RALGAPB: variants seen among roughly 807,000 people sequenced by gnomAD.
RALGAPB encodes Ral GTPase activating protein non-catalytic subunit beta.
In RALGAPB, 25 loss-of-function variants were observed where a neutral mutation model predicts 161.1. That is an observed-to-expected ratio of 0.16 (90% CI 0.11 to 0.22). The LOEUF (loss-of-function observed/expected upper bound fraction) is 0.22. Among genes scored for constraint, RALGAPB ranks in the 10% least tolerant of loss-of-function variants. The pLI is 1.00. For synonymous variants in RALGAPB, 629 were observed against 626.1 expected (o/e 1.00, Z -0.07); for missense variants, 1,391 against 1,815.2 (o/e 0.77, Z 4.25).
chr20:38,483,978 CAG>C (rs1356880129), intron 1 of RALGAPB, among the ~76,000 whole-genome samples: 1 of 152,032 alleles, frequency 6.6e-6, no homozygotes, highest in African/African-American at 2.4e-5. Flanking sequence ...ATCACAAGGT[CAG>C]GAGTTCGAGA....
At chr20:38,559,710 A>G (rs1443245371) in intron 23 of RALGAPB, among the ~76,000 whole-genome samples, 3 of 152,234 alleles carry the variant, frequency 2.0e-5, no homozygotes, top group East Asian at 3.8e-4. Flanking sequence ...AAAACAAAAC[A>G]GAAGGACTAA....
chr20:38,532,027 A>T (rs1421964961), intron 14 of RALGAPB, among the ~76,000 whole-genome samples: 1 of 151,936 alleles, frequency 6.6e-6, no homozygotes, highest in East Asian at 1.9e-4. Flanking sequence ...CCGTTTGTTT[A>T]TTCATGCCTT....
At chr20:38,563,302 C>T (rs574202983) in intron 24 of RALGAPB, among the ~76,000 whole-genome samples, 24 of 152,214 alleles carry the variant, frequency 1.6e-4, no homozygotes, top group African/African-American at 5.3e-4. Flanking sequence ...ATAGGTCATC[C>T]ATACAAACAA....
chr20:38,515,225 C>G (rs2086089318), intron 6 of RALGAPB, among the ~76,000 whole-genome samples: 1 of 152,162 alleles, frequency 6.6e-6, no homozygotes, highest in Admixed American at 6.5e-5. Flanking sequence ...CACTGGAAGC[C>G]CATTTTTCTT....
At chr20:38,473,300 G>A (rs970011354) in intron 1 of RALGAPB, among the ~76,000 whole-genome samples, 2 of 152,146 alleles carry the variant, frequency 1.3e-5, no homozygotes, top group African/African-American at 2.4e-5. Flanking sequence ...CTAATCCTTG[G>A]GAGCTACCCC....
chr20:38,478,415 C>T (rs1332206491), intron 1 of RALGAPB, among the ~76,000 whole-genome samples: 1 of 151,944 alleles, frequency 6.6e-6, no homozygotes, highest in Non-Finnish European at 1.5e-5. Context: ...CAAGCAAGAC[C>T]TCAAGTAGTT....
At chr20:38,474,465 G>C (rs1227306123) in intron 1 of RALGAPB, among the ~76,000 whole-genome samples, 1 of 151,982 alleles carries the variant, frequency 6.6e-6, no homozygotes, top group Non-Finnish European at 1.5e-5. Context: ...TTTTTGTAGA[G>C]ATGGGGTTTC....
intron 23 of RALGAPB, among the ~76,000 whole-genome samples, chr20:38,560,047 A>G (rs1230187113): frequency 6.6e-6 from 1 of 152,218 alleles, no homozygotes; most frequent in Non-Finnish European, 1.5e-5. Context: ...TGTTTACACT[A>G]GAAGCACTGT....
At position 38,531,246 on chromosome 20, in the gene RALGAPB, T is replaced by G. The variant is rs1360258303; in HGVS notation, c.2115+15T>G. Reference sequence around the variant, plus strand: ...AGATGGAGATGGTAAGAAGCATACATGCAATCTGTCAGAGAATATCACTTT... The same window carrying G: ...AGATGGAGATGGTAAGAAGCATACAGGCAATCTGTCAGAGAATATCACTTT... On this transcript the variant is annotated intron_variant, in intron 14 of 29. Coordinates refer to ENST00000262879, the MANE Select transcript of RALGAPB (RefSeq NM_020336.4). 2 of 1,570,542 alleles carry G rather than the reference T, an allele frequency of 1.3e-6. No individual in the cohort carries two copies. Among genetic ancestry groups the G allele is most frequent in the Admixed American group, 3.4e-5 (2 of 59,690 alleles).
chr20:38,525,095 C>T, intron 11 of RALGAPB, 150 bp downstream of exon 11: 1 of 800,224 alleles, frequency 1.2e-6, no homozygotes, highest in South Asian at 1.7e-5. Context: ...TGTGTCCAAA[C>T]CCACCTCATC....
chr20:38,554,182 A>G, intron 22 of RALGAPB, 106 bp downstream of exon 22: 1 of 1,055,812 alleles, frequency 9.5e-7, no homozygotes, highest in Non-Finnish European at 1.4e-6. Flanking sequence ...AAAAAAAAAA[A>G]ACTGGTTAAA....
intron 24 of RALGAPB, 37 bp downstream of exon 24, chr20:38,562,734 T>A (rs769580301): frequency 6.4e-7 from 1 of 1,555,700 alleles, no homozygotes; most frequent in Non-Finnish European, 8.7e-7. Context: ...AGTTGTTTCT[T>A]GTTTGTTAGT....
intron 1 of RALGAPB, among the ~76,000 whole-genome samples, chr20:38,485,130 AT>A (rs1394478647): frequency 6.6e-6 from 1 of 152,240 alleles, no homozygotes; most frequent in East Asian, 1.9e-4. Context: ...TATATTTTGT[AT>A]TTATATGTAA....
At chr20:38,490,009 T>G (rs6070344) in intron 2 of RALGAPB, among the ~76,000 whole-genome samples, 2 of 150,886 alleles carry the variant, frequency 1.3e-5, no homozygotes, top group South Asian at 4.1e-4. Flanking sequence ...TCTGGAATTA[T>G]ACTTTTTTTT....
At chr20:38,533,215 T>C (rs557411917) in intron 15 of RALGAPB, among the ~76,000 whole-genome samples, 145 of 152,218 alleles carry the variant, frequency 9.5e-4, no homozygotes, top group African/African-American at 3.4e-3. Context: ...AAGCCAGTTA[T>C]TGCAGTGTGG....
chr20:38,485,496 C>G (rs1012959089), intron 1 of RALGAPB, among the ~76,000 whole-genome samples: 2 of 152,042 alleles, frequency 1.3e-5, no homozygotes, highest in African/African-American at 4.8e-5. Context: ...GGTGCGATCT[C>G]AGCTTACTGC....
At position 38,531,243 on chromosome 20, in the gene RALGAPB, A is replaced by G; in HGVS notation, c.2115+12A>G. 6.4e-7 allele frequency: 1 copy of G among 1,574,248 alleles called. No homozygotes were observed. Among genetic ancestry groups the G allele is most frequent in the Non-Finnish European group, 8.7e-7 (1 of 1,144,750 alleles). Reference sequence around the variant, plus strand: ...GCCAGATGGAGATGGTAAGAAGCATACATGCAATCTGTCAGAGAATATCAC... The same window carrying G: ...GCCAGATGGAGATGGTAAGAAGCATGCATGCAATCTGTCAGAGAATATCAC... On this transcript the variant is annotated intron_variant, in intron 14 of 29. Transcript: ENST00000262879.
intron 5 of RALGAPB, among the ~76,000 whole-genome samples, chr20:38,503,044 T>G (rs1355177591): frequency 2.0e-5 from 3 of 152,234 alleles, no homozygotes; most frequent in African/African-American, 7.2e-5. Flanking sequence ...TTTAATTACT[T>G]TTGTACCAAC....
Position 38,493,034 on chromosome 20 carries a change from A to C in RALGAPB, c.291A>C (p.Leu97Phe). Residue 97 changes from leucine to phenylalanine, a missense_variant, in exon 3 of 30, where the codon TTA becomes TTC. Physicochemically the swap from Leu to Phe is conservative, Grantham distance 22. This residue lies in a region of RALGAPB where 946 missense variants were observed against 1,257.2 expected (regional missense o/e 0.75). Transcript: ENST00000262879. Reference sequence around the variant, plus strand: ...TATATACAGACTGGATTATGGCTTTAGTGTTGCCAAAAGATTCTATTCCAT... The same window carrying C: ...TATATACAGACTGGATTATGGCTTTCGTGTTGCCAAAAGATTCTATTCCAT... ...VDVYTDWIMALVLPKDSIPLP... is the reference protein window; with the variant it reads ...VDVYTDWIMAFVLPKDSIPLP... 1 of 1,611,302 alleles carries C rather than the reference A, an allele frequency of 6.2e-7. No individual in the cohort carries two copies. The highest frequency in any genetic ancestry group is 8.5e-7 in the Non-Finnish European group (1 of 1,177,552).
Sources: allele counts gnomAD v4.1 joint callset (sites outside exome capture counted in the v4.1 genomes callset), GRCh38; gene constraint gnomAD v4.1.1; regional missense constraint gnomAD v4.1.1; transcripts MANE v1.5; gene names NCBI Gene and HGNC (gene_info 2026-07-23, HGNC 2026-07-21).